MLLT1: variants seen among roughly 807,000 people sequenced by gnomAD.
The protein encoded by MLLT1 is protein ENL.
Under a neutral mutation model 55.1 loss-of-function variants are expected in MLLT1, and 11 were observed. That is an observed-to-expected ratio of 0.20 (90% CI 0.13 to 0.33). The LOEUF is 0.33. MLLT1 is among the 10% of genes least tolerant of loss of function. The pLI, the probability that MLLT1 is intolerant of heterozygous loss-of-function variation, is 1.00. For synonymous variants in MLLT1, 323 were observed against 320.1 expected (o/e 1.01, Z -0.10); for missense variants, 536 against 760.6 (o/e 0.70, Z 3.47).
At chr19:6,271,115 CTT>C (rs992898421) in intron 1 of MLLT1, among the ~76,000 whole-genome samples, 41 of 152,178 alleles carry the variant, frequency 2.7e-4, no homozygotes, top group Non-Finnish European at 3.8e-4. Flanking sequence ...ACTGGCGCCT[CTT>C]GTCACTGGGC....
chr19:6,242,623 C>T (rs932195503), intron 3 of MLLT1, among the ~76,000 whole-genome samples: 3 of 152,228 alleles, frequency 2.0e-5, no homozygotes, highest in African/African-American at 7.2e-5. Flanking sequence ...TGCTTTCTCT[C>T]CTGCTCTCAG....
At position 6,273,963 on chromosome 19, in the gene MLLT1, C is replaced by T. The variant is rs144857967; in HGVS notation, c.13-3204G>A. Among the ~76,000 whole-genome samples, 385 of 152,344 alleles carry T rather than the reference C, an allele frequency of 2.5e-3. 1 individual carries two copies. Among genetic ancestry groups the T allele is most frequent in the African/African-American group, 8.8e-3 (367 of 41,568 alleles). On this transcript the variant is annotated intron_variant, in intron 1 of 11. Transcript: ENST00000252674. The surrounding 1 kb of genome is among the most constrained non-coding windows in gnomAD (Gnocchi z 4.3). ...GAGGATGGAAGCACCAGAACTCCACCGCAGTGGCCAAAGTAAACAGGAAGG... is the reference window on the plus strand; with the variant it reads ...GAGGATGGAAGCACCAGAACTCCACTGCAGTGGCCAAAGTAAACAGGAAGG...
chr19:6,241,493 T>C lies in MLLT1; in HGVS notation c.277-10780A>G, dbSNP rs117230938. ...TGCCGAGATAGGAAATTGGGGAACA[T>C]AATGGGCGCTTTCAATGCCCAGCCA... is the stretch of plus-strand genomic sequence containing the variant. On this transcript the variant is annotated intron_variant, in intron 3 of 11. Coordinates refer to ENST00000252674, the MANE Select transcript of MLLT1 (RefSeq NM_005934.4). 8.2e-3 allele frequency among the ~76,000 whole-genome samples: 1,246 copies of C among 152,244 alleles called. 63 individuals are homozygous for C. In the East Asian group the frequency reaches 0.13, roughly 16 times the overall value.
Position 6,219,870 on chromosome 19 carries a change from C to T in MLLT1, c.1111-1829G>A, listed in dbSNP as rs563324254. On this transcript the variant is annotated intron_variant, in intron 6 of 11. Coordinates refer to ENST00000252674, the MANE Select transcript of MLLT1 (RefSeq NM_005934.4). This position sits in a 1 kb window ranked among gnomAD's most constrained non-coding sequence, Gnocchi z 4.5. ...CAGACAGAGGAAAGCCAGTCAGGCACACGCATCCCCTTTCCTTCCGCCCAA... is the reference window on the plus strand; with the variant it reads ...CAGACAGAGGAAAGCCAGTCAGGCATACGCATCCCCTTTCCTTCCGCCCAA... 2.6e-5 allele frequency among the ~76,000 whole-genome samples: 4 copies of T among 152,370 alleles called. No homozygotes were observed. Among genetic ancestry groups the T allele is most frequent in the South Asian group, 4.1e-4 (2 of 4,830 alleles).
At chr19:6,264,739 C>A (rs1236409942) in intron 2 of MLLT1, among the ~76,000 whole-genome samples, 4 of 151,236 alleles carry the variant, frequency 2.6e-5, no homozygotes, top group African/African-American at 7.3e-5. Context: ...ACTAAAAATA[C>A]AAAAAATTAG....
At chr19:6,228,965 G>A (rs984099658) in intron 4 of MLLT1, among the ~76,000 whole-genome samples, 5 of 152,060 alleles carry the variant, frequency 3.3e-5, no homozygotes, top group Non-Finnish European at 5.9e-5. Context: ...CTTGCCCCGC[G>A]CCTCCTCCCC....
At chr19:6,228,728 C>A (rs1224187720) in intron 4 of MLLT1, among the ~76,000 whole-genome samples, 1 of 152,150 alleles carries the variant, frequency 6.6e-6, no homozygotes, top group African/African-American at 2.4e-5. Flanking sequence ...CCGAGAGGAG[C>A]CCCTGCCACC....
At chr19:6,252,587 G>T (rs2091225890) in intron 3 of MLLT1, among the ~76,000 whole-genome samples, 1 of 152,174 alleles carries the variant, frequency 6.6e-6, no homozygotes, top group Non-Finnish European at 1.5e-5. Context: ...TGTACACAGT[G>T]CTCAGAGCGA....
rs2091049032 is a variant in MLLT1, at chr19:6,235,281, C to G, written c.277-4568G>C. Among the ~76,000 whole-genome samples the G allele has an allele frequency of 6.6e-6, 1 of 152,216 alleles. No individual in the cohort carries two copies. The highest frequency in any genetic ancestry group is 1.5e-5 in the Non-Finnish European group (1 of 68,032). On this transcript the variant is annotated intron_variant, in intron 3 of 11. Transcript: ENST00000252674. This position sits in a 1 kb window ranked among gnomAD's most constrained non-coding sequence, Gnocchi z 5.5. ...GCAGAGGATGAACGTGGCTGGGGGG[C>G]ATCCTCGTGCAGAAAGCCTGGGGCC... is the stretch of plus-strand genomic sequence containing the variant.
Position 6,226,850 on chromosome 19 carries a change from A to T in MLLT1, c.546+127T>A. The stretch of plus-strand genomic sequence containing the variant: ...AGCGAGGGGTGTGCAGAGAGCTCAA[A>T]GAGGAAGACGCCAAGGGAGCGAGCA... On this transcript the variant is annotated intron_variant, in intron 5 of 11. Transcript: ENST00000252674. This position sits in a 1 kb window ranked among gnomAD's most constrained non-coding sequence, Gnocchi z 6.3. 3.1e-6 allele frequency: 2 copies of T among 652,390 alleles called. No homozygotes were observed. The highest frequency in any genetic ancestry group is 2.4e-6 in the Non-Finnish European group (1 of 417,424). 40.4% of individuals were successfully genotyped at this position (652,390 alleles called of 1,614,324 possible).
intron 3 of MLLT1, among the ~76,000 whole-genome samples, chr19:6,236,337 C>A (rs1237836082): frequency 6.6e-6 from 1 of 152,110 alleles, no homozygotes; most frequent in African/African-American, 2.4e-5. Context: ...TCCTGGTGTC[C>A]CCCCGTCACA....
Position 6,230,560 on chromosome 19 carries a change from G to A in MLLT1, c.420+10C>T. On this transcript the variant is annotated intron_variant, in intron 4 of 11. Coordinates refer to ENST00000252674, the MANE Select transcript of MLLT1 (RefSeq NM_005934.4). The surrounding 1 kb of genome is among the most constrained non-coding windows in gnomAD (Gnocchi z 9.0). ...CGGCCCCTTGGCGGGCAGGGGCGGG[G>A]CACACTCACCCCGCCGGCCCGCAGG... 6.2e-7 allele frequency: 1 copy of A among 1,611,986 alleles called. No individual in the cohort carries two copies. The highest frequency in any genetic ancestry group is 1.1e-5 in the South Asian group (1 of 91,026).
At chr19:6,218,109 A>G in intron 6 of MLLT1, 68 bp from the exon 7 acceptor site, 3 of 1,528,586 alleles carry the variant, frequency 2.0e-6, no homozygotes, top group Non-Finnish European at 2.6e-6. Flanking sequence ...GCAGAGACAA[A>G]GGGGGCCCCC....
chr19:6,212,921 C>G lies in MLLT1; in HGVS notation c.*121G>C. On this transcript the variant is annotated 3_prime_UTR_variant, in exon 12 of 12. Transcript: ENST00000252674. ...AGGAAAGTGCAGCGGGCTGTGCGGGCGAGGACAGGGCTGTCGCTAAGGCAG... is the reference window on the plus strand; with the variant it reads ...AGGAAAGTGCAGCGGGCTGTGCGGGGGAGGACAGGGCTGTCGCTAAGGCAG... 3 of 1,294,650 alleles carry G rather than the reference C, an allele frequency of 2.3e-6. No individual in the cohort carries two copies. Among genetic ancestry groups the G allele is most frequent in the Non-Finnish European group, 3.2e-6 (3 of 946,178 alleles). The allele number at this position is 1,294,650 out of a possible 1,614,324, so 80.2% of individuals were successfully genotyped here.
chr19:6,239,637 A>G (rs909822808), intron 3 of MLLT1, among the ~76,000 whole-genome samples: 2 of 152,094 alleles, frequency 1.3e-5, no homozygotes, highest in African/African-American at 2.4e-5. Flanking sequence ...ACCCATGTAC[A>G]CACACTCATA....
chr19:6,273,814 C>T lies in MLLT1; in HGVS notation c.13-3055G>A, dbSNP rs1291564511. ...CCTCGGAATCGCTTATTCACTGACCCGGCCACTCAGACCTCGGCCGACTTC... is the reference window on the plus strand; with the variant it reads ...CCTCGGAATCGCTTATTCACTGACCTGGCCACTCAGACCTCGGCCGACTTC... On this transcript the variant is annotated intron_variant, in intron 1 of 11. Coordinates refer to ENST00000252674, the MANE Select transcript of MLLT1 (RefSeq NM_005934.4). This position sits in a 1 kb window ranked among gnomAD's most constrained non-coding sequence, Gnocchi z 4.3. Among the ~76,000 whole-genome samples, 5 of 152,206 alleles carry T rather than the reference C, an allele frequency of 3.3e-5. No homozygotes were observed. Among genetic ancestry groups the T allele is most frequent in the South Asian group, 4.1e-4 (2 of 4,830 alleles).
intron 3 of MLLT1, among the ~76,000 whole-genome samples, chr19:6,258,960 C>T (rs1319194330): frequency 6.6e-6 from 1 of 152,226 alleles, no homozygotes; most frequent in Non-Finnish European, 1.5e-5. Flanking sequence ...CCAAGTGCTA[C>T]ACCTGCTGTC....
chr19:6,216,703 C>T (rs914443290), intron 7 of MLLT1, 190 bp from the exon 8 acceptor site: 7 of 578,488 alleles, frequency 1.2e-5, no homozygotes, highest in Non-Finnish European at 1.8e-5. Flanking sequence ...CCCGCTTCCC[C>T]TAGAACGCCC....
At chr19:6,261,108 C>T (rs565431719) in intron 3 of MLLT1, among the ~76,000 whole-genome samples, 1 of 152,286 alleles carries the variant, frequency 6.6e-6, no homozygotes, top group African/African-American at 2.4e-5. Context: ...ACTGGGAGCC[C>T]GGGCACACAC....
Sources: allele counts gnomAD v4.1 joint callset (sites outside exome capture counted in the v4.1 genomes callset), GRCh38; gene constraint gnomAD v4.1.1; non-coding constraint Gnocchi (gnomAD v3.1); transcripts MANE v1.5; gene names NCBI Gene and HGNC (gene_info 2026-07-23, HGNC 2026-07-21).